THADA: variants seen among roughly 807,000 people sequenced by gnomAD.
THADA encodes the protein THADA armadillo repeat containing, also known as tRNA (32-2'-O)-methyltransferase regulator THADA.
Under a neutral mutation model 219.8 loss-of-function variants are expected in THADA, and 213 were observed. The ratio of observed to expected loss-of-function variants is 0.97; its 90% confidence interval spans 0.87 to 1.09. THADA has a LOEUF of 1.09. Ranked by LOEUF, THADA falls within the 50% of genes least tolerant of loss-of-function variation. THADA has a pLI of 0.00. For missense variants in THADA, 2,956 were observed against 2,311.3 expected, an observed-to-expected ratio of 1.28 and a Z score of -5.72; for synonymous variants, 1,018 against 828.9, an observed-to-expected ratio of 1.23 and a Z score of -3.92.
intron 28 of THADA, among the ~76,000 whole-genome samples, chr2:43,409,936 G>C (rs1200714716): frequency 1.3e-5 from 2 of 151,800 alleles, no homozygotes; most frequent in African/African-American, 2.4e-5. Flanking sequence ...AGGATTGCTT[G>C]AGCCTAGGAG....
At chr2:43,530,781 A>C (rs1321624841) in intron 21 of THADA, among the ~76,000 whole-genome samples, 1 of 152,230 alleles carries the variant, frequency 6.6e-6, no homozygotes, top group Admixed American at 6.5e-5. Flanking sequence ...GTCTAAAACA[A>C]AAAGCATATA....
chr2:43,552,209 A>G lies in THADA; in HGVS notation c.2805T>C (p.Ser935=). ...HCITGALQKL[S]LNSLQLVSEW... is the part of the protein sequence containing the mutation. ...GCAGCTGTGGAAATCCTTACTTTAG[A>G]GATAACTTCTGCAAAGCTCCTGTTA... is the stretch of plus-strand genomic sequence containing the variant. Residue 935 remains serine, a synonymous_variant, in exon 18 of 38, where the codon TCT becomes TCC. Transcript: ENST00000405975. The G allele has an allele frequency of 6.2e-7, 1 of 1,607,502 alleles. No homozygotes were observed. The highest frequency in any genetic ancestry group is 8.5e-7 in the Non-Finnish European group (1 of 1,177,826).
intron 26 of THADA, among the ~76,000 whole-genome samples, chr2:43,463,644 G>A (rs1573776121): frequency 6.6e-6 from 1 of 152,138 alleles, no homozygotes; most frequent in African/African-American, 2.4e-5. Context: ...TGGAATTTAA[G>A]TATGTTGTTA....
At chr2:43,343,523 A>ACT (rs1188710332) in intron 30 of THADA, 3 of 152,042 alleles carry the variant, frequency 2.0e-5, no homozygotes, top group African/African-American at 7.3e-5. Flanking sequence ...TACAGAGAGG[A>ACT]CTCCCTGTAT....
Position 43,286,907 on chromosome 2 carries a change from C to T in THADA, c.5164+1G>A. On this transcript the variant is annotated splice_donor_variant, in intron 35 of 37. Coordinates refer to ENST00000405975, the MANE Select transcript of THADA (RefSeq NM_022065.5). LOFTEE classifies it high-confidence loss of function. Reference sequence around the variant, plus strand: ...ACAGACTTCCGTCTCGGCGCACTTACCAAGAATAGGATGGGGGTTGGTGAG... The same window carrying T: ...ACAGACTTCCGTCTCGGCGCACTTATCAAGAATAGGATGGGGGTTGGTGAG... 1.9e-6 allele frequency: 3 copies of T among 1,609,008 alleles called. No individual in the cohort carries two copies. The highest frequency in any genetic ancestry group is 2.6e-6 in the Non-Finnish European group (3 of 1,175,752).
chr2:43,416,407 C>T (rs1370635644), intron 28 of THADA, among the ~76,000 whole-genome samples: 1 of 152,216 alleles, frequency 6.6e-6, no homozygotes, highest in Admixed American at 6.5e-5. Context: ...CTTATTTACA[C>T]AGTAGCCTGT....
chr2:43,579,494 T>C (rs371126059), intron 8 of THADA, among the ~76,000 whole-genome samples: 12 of 152,216 alleles, frequency 7.9e-5, no homozygotes, highest in African/African-American at 2.9e-4. Flanking sequence ...GAAGTAACAC[T>C]TCTTTATGAC....
At position 43,525,445 on chromosome 2, in the gene THADA, G is replaced by A. The variant is rs367823478; in HGVS notation, c.3374+2434C>T. 3.7e-4 allele frequency among the ~76,000 whole-genome samples: 56 copies of A among 152,270 alleles called. No homozygotes were observed. The East Asian group carries it at 3.9e-3, about 11-fold the overall frequency. ...AATGCAATGAGACTTCCAAGGCTGG[G>A]TCAGAAAAGAGCATACAGCTTCTGG... On this transcript the variant is annotated intron_variant, in intron 22 of 37. Coordinates refer to ENST00000405975, the MANE Select transcript of THADA (RefSeq NM_022065.5).
intron 24 of THADA, among the ~76,000 whole-genome samples, chr2:43,501,816 T>C (rs775984596): frequency 5.3e-5 from 8 of 151,922 alleles, no homozygotes; most frequent in Non-Finnish European, 1.0e-4. Context: ...TGGTGGCACA[T>C]GCCTGTAATC....
intron 29 of THADA, among the ~76,000 whole-genome samples, chr2:43,378,497 CAG>C (rs1671635269): frequency 6.6e-6 from 1 of 152,144 alleles, no homozygotes; most frequent in African/African-American, 2.4e-5. Flanking sequence ...CCATCAATAA[CAG>C]AAAAATCTTA....
intron 26 of THADA, among the ~76,000 whole-genome samples, chr2:43,468,537 C>T (rs1277560534): frequency 6.6e-6 from 1 of 152,126 alleles, no homozygotes; most frequent in Non-Finnish European, 1.5e-5. Context: ...TGAGGTCCTC[C>T]TCACTGCATT....
intron 26 of THADA, among the ~76,000 whole-genome samples, chr2:43,461,174 A>T (rs1683599350): frequency 6.6e-6 from 1 of 152,218 alleles, no homozygotes; most frequent in Non-Finnish European, 1.5e-5. Context: ...GCATAGGAGT[A>T]ACATAATGAA....
intron 20 of THADA, 64 bp from the exon 21 acceptor site, chr2:43,541,380 A>C: frequency 3.2e-6 from 5 of 1,575,656 alleles, no homozygotes; most frequent in Non-Finnish European, 4.3e-6. Context: ...TTCTAAAAAC[A>C]AGCTTATTCA....
chr2:43,348,024 T>C (rs907968169), intron 29 of THADA, among the ~76,000 whole-genome samples: 1 of 152,112 alleles, frequency 6.6e-6, no homozygotes, highest in African/African-American at 2.4e-5. Flanking sequence ...ACTACTGTAG[T>C]AGTCTAGACA....
intron 36 of THADA, among the ~76,000 whole-genome samples, chr2:43,237,180 G>A (rs1228479879): frequency 6.6e-6 from 1 of 151,796 alleles, no homozygotes; most frequent in East Asian, 1.9e-4. Context: ...TCAACAGACT[G>A]AGAGTCCAGA....
intron 22 of THADA, among the ~76,000 whole-genome samples, chr2:43,509,070 C>A (rs1194290846): frequency 1.3e-5 from 2 of 152,180 alleles, no homozygotes; most frequent in Non-Finnish European, 2.9e-5. Context: ...AAAGGTTGAT[C>A]ATGGTCTCAC....
intron 26 of THADA, among the ~76,000 whole-genome samples, chr2:43,450,694 A>AT (rs1682202549): frequency 6.6e-6 from 1 of 152,204 alleles, no homozygotes; most frequent in African/African-American, 2.4e-5. Flanking sequence ...GGCAGAATGG[A>AT]TAAAAAAAAA....
Position 43,541,195 on chromosome 2 carries a change from C to A in THADA, c.3228G>T (p.Val1076=), listed in dbSNP as rs1290467459. 2 of 1,603,154 alleles carry A rather than the reference C, an allele frequency of 1.2e-6. No homozygotes were observed. Among genetic ancestry groups the A allele is most frequent in the Admixed American group, 1.7e-5 (1 of 57,740 alleles). ...TCAATAATCCATCAGAAGATTCTGG[C>A]ACAGGCTGCATGGGCAGAAGCTGGC... The part of the protein sequence containing the change: ...MLCQLLPMQP[V]PESSDGLLTV... Residue 1076 remains valine (V), a synonymous_variant, in exon 21 of 38, where the codon GTG becomes GTT. Coordinates refer to ENST00000405975, the MANE Select transcript of THADA (RefSeq NM_022065.5).
chr2:43,237,220 T>C (rs1381607957), intron 36 of THADA, among the ~76,000 whole-genome samples: 1 of 152,076 alleles, frequency 6.6e-6, no homozygotes, highest in Non-Finnish European at 1.5e-5. Flanking sequence ...GGTCAAATGA[T>C]TTTTGACAAG....
Sources: allele counts gnomAD v4.1 joint callset (sites outside exome capture counted in the v4.1 genomes callset), GRCh38; gene constraint gnomAD v4.1.1; transcripts MANE v1.5; gene names NCBI Gene and HGNC (gene_info 2026-07-23, HGNC 2026-07-21).